Variants in IHO1 observed in about 807,000 individuals in gnomAD.
The protein encoded by IHO1 is interactor of HORMAD1 1, also known as interactor of HORMAD1 protein 1.
A neutral mutation model predicts 31.0 loss-of-function variants in IHO1; 13 were observed. That is an observed-to-expected ratio of 0.42 (90% CI 0.27 to 0.67). IHO1 has a LOEUF of 0.67. IHO1 is among the 30% of genes least tolerant of loss of function. The pLI is 0.24. For missense variants in IHO1, 599 were observed against 687.5 expected, an observed-to-expected ratio of 0.87 and a Z score of 1.44; for synonymous variants, 221 against 248.4, an observed-to-expected ratio of 0.89 and a Z score of 1.04.
intron 2 of IHO1, among the ~76,000 whole-genome samples, chr3:49,230,998 T>TA (rs2046475498): frequency 6.6e-6 from 1 of 152,166 alleles, no homozygotes; most frequent in Non-Finnish European, 1.5e-5. Context: ...ATAGAATAGA[T>TA]ACAGAGAAGA....
At chr3:49,210,272 C>T (rs988668150) in intron 1 of IHO1, among the ~76,000 whole-genome samples, 25 of 149,140 alleles carry the variant, frequency 1.7e-4, no homozygotes, top group African/African-American at 4.4e-4. Flanking sequence ...TTTTTTTCTT[C>T]GTCGCCCAAG....
intron 2 of IHO1, among the ~76,000 whole-genome samples, chr3:49,234,225 C>T: frequency 7.9e-6 from 1 of 126,844 alleles, no homozygotes; most frequent in African/African-American, 3.0e-5. Context: ...GGCTGGAGTG[C>T]AGTGTGGCAC....
chr3:49,242,896 T>G (rs778274959), intron 4 of IHO1, among the ~76,000 whole-genome samples: 9 of 152,170 alleles, frequency 5.9e-5, no homozygotes, highest in Non-Finnish European at 7.3e-5. Flanking sequence ...TTTTTTGAAT[T>G]TTTTTAAACT....
chr3:49,243,224 C>G (rs1195354796), intron 4 of IHO1, among the ~76,000 whole-genome samples: 1 of 152,046 alleles, frequency 6.6e-6, no homozygotes, highest in African/African-American at 2.4e-5. Context: ...CTCACTGTAA[C>G]CTCTGCCGCC....
intron 1 of IHO1, among the ~76,000 whole-genome samples, chr3:49,210,697 CTTTT>C (rs768927173): frequency 7.6e-6 from 1 of 131,600 alleles, no homozygotes. Flanking sequence ...CTGCGCCCGG[CTTTT>C]TTTTTTTTTT....
intron 2 of IHO1, among the ~76,000 whole-genome samples, chr3:49,225,492 T>C (rs2046407052): frequency 6.6e-6 from 1 of 151,400 alleles, no homozygotes; most frequent in African/African-American, 2.4e-5. Context: ...TTTTGTCCTG[T>C]GGGAAGGCTT....
At chr3:49,244,963 TC>T (rs1443420294) in intron 6 of IHO1, 3 of 601,434 alleles carry the variant, frequency 5.0e-6, no homozygotes, top group Non-Finnish European at 9.0e-6. Flanking sequence ...GAGGCACTAA[TC>T]CCCCACCTGG....
intron 3 of IHO1, among the ~76,000 whole-genome samples, chr3:49,240,982 T>G (rs894465738): frequency 1.3e-5 from 2 of 152,250 alleles, no homozygotes; most frequent in African/African-American, 4.8e-5. Context: ...GATTCTAAGC[T>G]ATTTTGGTTG....
intron 3 of IHO1, 70 bp downstream of exon 3, chr3:49,236,792 C>A: frequency 6.9e-7 from 1 of 1,451,126 alleles, no homozygotes; most frequent in South Asian, 1.3e-5. Flanking sequence ...ATAAAGAATA[C>A]TTATTCTGGC....
At position 49,202,456 on chromosome 3, in the gene IHO1, G is replaced by A. The variant is rs2046081242; in HGVS notation, c.-16+2883G>A. On this transcript the variant is annotated intron_variant, in intron 1 of 7. Transcript: ENST00000452691. The stretch of plus-strand genomic sequence containing the variant: ...TTCTCCTGCCTCAGCCTCCTGAGTA[G>A]CTGGGACCACAGGTGCCTGACACCA... Among the ~76,000 whole-genome samples, 4 of 149,188 alleles carry A rather than the reference G, an allele frequency of 2.7e-5. No homozygotes were observed. In the South Asian group the frequency reaches 8.4e-4, roughly 31 times the overall value.
chr3:49,203,200 G>C (rs1417668316), intron 1 of IHO1, among the ~76,000 whole-genome samples: 1 of 152,112 alleles, frequency 6.6e-6, no homozygotes, highest in African/African-American at 2.4e-5. Flanking sequence ...TAATTTGAAG[G>C]AGATAGAGTT....
intron 1 of IHO1, among the ~76,000 whole-genome samples, chr3:49,210,464 C>T (rs2046195775): frequency 6.6e-6 from 1 of 151,748 alleles, no homozygotes; most frequent in Admixed American, 6.6e-5. Flanking sequence ...GTGGCACGAT[C>T]TTGGCTCACT....
chr3:49,244,990 A>G, intron 6 of IHO1: 1 of 590,930 alleles, frequency 1.7e-6, no homozygotes, highest in South Asian at 2.1e-5. Flanking sequence ...ATGTTGCCTC[A>G]GGGCAGGTAG....
chr3:49,234,455 C>T (rs2046527660), intron 2 of IHO1, among the ~76,000 whole-genome samples: 1 of 151,944 alleles, frequency 6.6e-6, no homozygotes, highest in South Asian at 2.1e-4. Flanking sequence ...GCTAGGATTA[C>T]AGGCATGAGC....
intron 2 of IHO1, among the ~76,000 whole-genome samples, chr3:49,214,547 CAA>C (rs11433953): frequency 2.6e-5 from 3 of 113,926 alleles, no homozygotes; most frequent in Admixed American, 2.0e-4. Context: ...TTTAATTTCT[CAA>C]AAAAAAAAAT....
At chr3:49,208,618 AAG>A (rs1177454751) in intron 1 of IHO1, among the ~76,000 whole-genome samples, 1 of 152,224 alleles carries the variant, frequency 6.6e-6, no homozygotes, top group Non-Finnish European at 1.5e-5. Context: ...TGCCTGAGGG[AAG>A]AGAGTTTGCT....
intron 2 of IHO1, among the ~76,000 whole-genome samples, chr3:49,217,945 GC>G (rs1260986072): frequency 1.3e-5 from 2 of 152,226 alleles, no homozygotes; most frequent in African/African-American, 4.8e-5. Context: ...TCTGGGTCCA[GC>G]CCATGCTGAA....
chr3:49,254,183 T>C (rs952054743), intron 6 of IHO1, among the ~76,000 whole-genome samples: 1 of 152,190 alleles, frequency 6.6e-6, no homozygotes, highest in African/African-American at 2.4e-5. Flanking sequence ...TGGCACATAG[T>C]ATATGCTCAT....
chr3:49,204,917 A>G (rs1394482829), intron 1 of IHO1, among the ~76,000 whole-genome samples: 1 of 152,008 alleles, frequency 6.6e-6, no homozygotes, highest in African/African-American at 2.4e-5. Flanking sequence ...AGTCCCAGCT[A>G]CTTAGGAGGC....
Sources: gnomAD v4.1 joint callset for allele counts (sites outside exome capture counted in the v4.1 genomes callset) on GRCh38, gnomAD v4.1.1 for gene constraint, MANE v1.5 for transcripts, NCBI Gene and HGNC (gene_info 2026-07-23, HGNC 2026-07-21) for gene names.